The following TNIK variants were observed in gnomAD, a reference collection of about 807,000 sequenced individuals.
TNIK encodes the protein TRAF2 and NCK interacting kinase.
Under a neutral mutation model 191.3 loss-of-function variants are expected in TNIK, and 49 were observed. The ratio of observed to expected loss-of-function variants is 0.26; its 90% CI spans 0.20 to 0.32. The LOEUF (loss-of-function observed/expected upper bound fraction) is 0.32, where lower values mean the gene tolerates loss of function less well. Ranked by LOEUF, TNIK falls within the 10% of genes least tolerant of loss-of-function variation. TNIK has a pLI of 1.00. For synonymous variants in TNIK, 594 were observed against 600.9 expected, an observed-to-expected ratio of 0.99 and a Z score of 0.17; for missense variants, 1,155 against 1,702.3, an observed-to-expected ratio of 0.68 and a Z score of 5.66.
intron 2 of TNIK, among the ~76,000 whole-genome samples, chr3:171,365,194 T>C (rs1715544633): frequency 3.1e-5 from 3 of 97,022 alleles, no homozygotes. Context: ...TTTTTTTTTT[T>C]TTTTTGAGAC....
Position 171,082,410 on chromosome 3 carries a change from G to A in TNIK, c.3170-16C>T, listed in dbSNP as rs1720810038. ...AGGTTTACACCTGTAAATTTAAGAA[G>A]CACCCTAAGACTGACTTTTCATGAA... On this transcript the variant is annotated splice_polypyrimidine_tract_variant and intron_variant, in intron 26 of 32. Transcript: ENST00000436636. 3.1e-6 allele frequency: 5 copies of A among 1,613,158 alleles called. No individual in the cohort carries two copies. Among genetic ancestry groups the A allele is most frequent in the African/African-American group, 1.3e-5 (1 of 74,868 alleles).
At chr3:171,441,430 C>T (rs1726786439) in intron 1 of TNIK, among the ~76,000 whole-genome samples, 1 of 152,230 alleles carries the variant, frequency 6.6e-6, no homozygotes, top group South Asian at 2.1e-4. Context: ...TGTCTGGCTT[C>T]TTTCACTTAG....
At chr3:171,215,348 C>T (rs529995919) in intron 3 of TNIK, among the ~76,000 whole-genome samples, 2 of 152,280 alleles carry the variant, frequency 1.3e-5, no homozygotes, top group East Asian at 3.9e-4. Context: ...GTAATGTTTA[C>T]TGTGTACCAG....
intron 1 of TNIK, among the ~76,000 whole-genome samples, chr3:171,430,982 G>A (rs915636780): frequency 1.3e-5 from 2 of 152,114 alleles, no homozygotes; most frequent in African/African-American, 4.8e-5. Context: ...GCCACACCAA[G>A]CTGAACCAGA....
chr3:171,079,491 C>T, intron 28 of TNIK, 27 bp downstream of exon 28: 3 of 1,604,102 alleles, frequency 1.9e-6, no homozygotes, highest in Non-Finnish European at 2.6e-6. Context: ...ACAGACCAAA[C>T]TTATAATTCC....
intron 3 of TNIK, among the ~76,000 whole-genome samples, chr3:171,217,016 T>C (rs1036227084): frequency 2.0e-5 from 3 of 152,082 alleles, no homozygotes; most frequent in African/African-American, 7.2e-5. Flanking sequence ...CATTCAAGAA[T>C]GATTTACTCA....
chr3:171,113,233 T>C (rs539483749), intron 18 of TNIK, among the ~76,000 whole-genome samples: 2 of 152,332 alleles, frequency 1.3e-5, no homozygotes, highest in East Asian at 3.8e-4. Context: ...TTGTATTTTT[T>C]TTTATTATCT....
chr3:171,079,755 G>T (rs1720432447), intron 27 of TNIK, 103 bp from the exon 28 acceptor site: 2 of 1,353,434 alleles, frequency 1.5e-6, no homozygotes, highest in African/African-American at 2.9e-5. Flanking sequence ...ACGTGTGTGT[G>T]TGTGTGTATG....
intron 2 of TNIK, among the ~76,000 whole-genome samples, chr3:171,355,809 G>A (rs1713961848): frequency 6.6e-6 from 1 of 152,140 alleles, no homozygotes; most frequent in South Asian, 2.1e-4. Flanking sequence ...TTACATCTCG[G>A]TATTGTAGCC....
intron 22 of TNIK, among the ~76,000 whole-genome samples, chr3:171,094,955 G>T (rs538251822): frequency 8.6e-5 from 13 of 151,986 alleles, no homozygotes; most frequent in African/African-American, 2.4e-4. Context: ...CACATACTAG[G>T]AATGCAAAAA....
chr3:171,262,182 C>A (rs758166743), intron 2 of TNIK, among the ~76,000 whole-genome samples: 1 of 152,074 alleles, frequency 6.6e-6, no homozygotes, highest in Non-Finnish European at 1.5e-5. Flanking sequence ...ACCTTCCCTT[C>A]GTTTTGTTTA....
chr3:171,213,651 A>G (rs1466489627), intron 3 of TNIK, among the ~76,000 whole-genome samples: 1 of 152,182 alleles, frequency 6.6e-6, no homozygotes, highest in Non-Finnish European at 1.5e-5. Context: ...GGAGGTCAGA[A>G]TAAAGTCAGT....
chr3:171,390,781 C>T (rs979826173), intron 1 of TNIK, among the ~76,000 whole-genome samples: 5 of 152,196 alleles, frequency 3.3e-5, no homozygotes, highest in Admixed American at 3.3e-4. Context: ...GATAACTGTG[C>T]TGGCTTATTC....
chr3:171,394,000 A>G (rs910604772), intron 1 of TNIK, among the ~76,000 whole-genome samples: 1 of 152,228 alleles, frequency 6.6e-6, no homozygotes, highest in African/African-American at 2.4e-5. Flanking sequence ...ATAATATAGC[A>G]TCTTACAATC....
chr3:171,347,702 A>C (rs11915254), intron 2 of TNIK, among the ~76,000 whole-genome samples: 30,489 of 152,070 alleles, frequency 0.2, 3,252 homozygotes, highest in South Asian at 0.28. Context: ...TAGAAATCAG[A>C]ACTGATCTCA....
chr3:171,234,949 A>G (rs983734110), intron 2 of TNIK, among the ~76,000 whole-genome samples: 5 of 152,104 alleles, frequency 3.3e-5, no homozygotes, highest in African/African-American at 9.7e-5. Flanking sequence ...CACAAAACCA[A>G]AGCTCTCACT....
intron 2 of TNIK, among the ~76,000 whole-genome samples, chr3:171,329,972 T>C (rs1756234324): frequency 6.6e-6 from 1 of 152,142 alleles, no homozygotes; most frequent in South Asian, 2.1e-4. Context: ...ATGTCAAAGG[T>C]TGTCACAGAT....
intron 28 of TNIK, among the ~76,000 whole-genome samples, chr3:171,078,768 G>A (rs1720311607): frequency 6.6e-6 from 1 of 151,994 alleles, no homozygotes; most frequent in Non-Finnish European, 1.5e-5. Context: ...TTTCTTTCTG[G>A]CCATTTAGTT....
chr3:171,292,708 G>C (rs994504355), intron 2 of TNIK, among the ~76,000 whole-genome samples: 1 of 148,058 alleles, frequency 6.8e-6, no homozygotes, highest in East Asian at 1.9e-4. Flanking sequence ...CCCGGGAAGC[G>C]GAGCTTGCAG....
Sources: allele counts gnomAD v4.1 joint callset (sites outside exome capture counted in the v4.1 genomes callset), GRCh38; gene constraint gnomAD v4.1.1; transcripts MANE v1.5; gene names NCBI Gene and HGNC (gene_info 2026-07-23, HGNC 2026-07-21).